Variants in ZNF93 observed in about 807,000 individuals in gnomAD.
ZNF93 encodes zinc finger protein 93, also known as zinc finger protein 505.
ZNF93 carries 29 observed loss-of-function variants against 45.0 expected under a neutral mutation model. That is an observed-to-expected ratio of 0.64 (90% confidence interval 0.48 to 0.88). The LOEUF (loss-of-function observed/expected upper bound fraction) is 0.88. Among genes scored for constraint, ZNF93 ranks in the 40% least tolerant of loss-of-function variants. The pLI is 0.00. For synonymous variants in ZNF93, 223 were observed against 244.6 expected, an observed-to-expected ratio of 0.91 and a Z score of 0.82; for missense variants, 578 against 724.0, an observed-to-expected ratio of 0.80 and a Z score of 2.31.
intron 1 of ZNF93, among the ~76,000 whole-genome samples, chr19:19,913,088 T>G (rs1206873538): frequency 6.6e-6 from 1 of 151,950 alleles, no homozygotes; most frequent in African/African-American, 2.4e-5. Flanking sequence ...CTGTTCCTGC[T>G]TTCTCTAACT....
In ZNF93 at chr19:19,933,880, G is replaced by A. The variant is rs2063383179; in HGVS notation, c.925G>A (p.Gly309Arg). The A allele has an allele frequency of 2.5e-6, 4 of 1,612,848 alleles. No individual in the cohort carries two copies. Among genetic ancestry groups the A allele is most frequent in the Admixed American group, 1.7e-5 (1 of 59,896 alleles). Residue 309 changes from glycine to arginine, a missense_variant, in exon 4 of 4, where the codon GGA (glycine) becomes AGA (arginine). By Grantham distance (125) the Gly-to-Arg change is moderately radical. Coordinates refer to ENST00000343769, the MANE Select transcript of ZNF93 (RefSeq NM_031218.4). ...TLTKHKKIHT[G>R]EKPYVCEECG... is the part of the protein sequence containing the mutation. The stretch of plus-strand genomic sequence containing the variant: ...TACTAAACATAAGAAAATTCATACT[G>A]GAGAGAAGCCCTACGTTTGTGAAGA...
At chr19:19,926,557 C>T (rs1172365759) in intron 3 of ZNF93, among the ~76,000 whole-genome samples, 1 of 150,408 alleles carries the variant, frequency 6.6e-6, no homozygotes, top group Non-Finnish European at 1.5e-5. Flanking sequence ...GATCTTGCCT[C>T]ACTGCAACCT....
rs570462032 is a variant in ZNF93, at chr19:19,901,888, T to C, written c.3+797T>C. Among the ~76,000 whole-genome samples, 27 of 152,196 alleles carry C rather than the reference T, an allele frequency of 1.8e-4. No homozygotes were observed. The East Asian group carries it at 5.2e-3, about 29-fold the overall frequency. On this transcript the variant is annotated intron_variant, in intron 1 of 3. Transcript: ENST00000343769. ...GGGTGGATCACAAGGTCAGGAGTTC[T>C]AGGCCAGCCTGGCCAACATAGTGAA...
chr19:19,925,887 C>T (rs1465086017), intron 3 of ZNF93, among the ~76,000 whole-genome samples: 1 of 151,940 alleles, frequency 6.6e-6, no homozygotes, highest in African/African-American at 2.4e-5. Context: ...GTAAGAATAG[C>T]ATATATTTAA....
chr19:19,924,883 G>GC (rs2063352096), intron 3 of ZNF93, among the ~76,000 whole-genome samples: 4 of 152,180 alleles, frequency 2.6e-5, no homozygotes, highest in Admixed American at 2.6e-4. Flanking sequence ...GAGGCACCCC[G>GC]CCTGGCCCAA....
intron 1 of ZNF93, among the ~76,000 whole-genome samples, chr19:19,913,741 C>T (rs551768435): frequency 8.5e-5 from 13 of 152,140 alleles, no homozygotes; most frequent in African/African-American, 3.1e-4. Context: ...TGTGGTACAC[C>T]TTTAAAGGCA....
intron 1 of ZNF93, chr19:19,908,991 T>C (rs72479538): frequency 0.15 from 22,852 of 152,804 alleles, 2,015 homozygotes; most frequent in East Asian, 0.41. Flanking sequence ...TTTGAAGATA[T>C]GTCTATCTGG....
intron 3 of ZNF93, among the ~76,000 whole-genome samples, chr19:19,920,812 GCA>G (rs1209982772): frequency 6.6e-5 from 10 of 152,040 alleles, no homozygotes; most frequent in African/African-American, 2.4e-4. Context: ...ATTTTTTATT[GCA>G]TCTATTTGAT....
intron 2 of ZNF93, among the ~76,000 whole-genome samples, chr19:19,915,702 CGTT>C (rs948100707): frequency 2.6e-5 from 4 of 151,938 alleles, no homozygotes; most frequent in African/African-American, 9.7e-5. Context: ...ATTAGCCAGG[CGTT>C]GTGGCATGCG....
chr19:19,909,818 G>T (rs1234466844), intron 1 of ZNF93, among the ~76,000 whole-genome samples: 1 of 152,216 alleles, frequency 6.6e-6, no homozygotes, highest in Non-Finnish European at 1.5e-5. Context: ...CAGACTTTGA[G>T]TCAGCCCATA....
intron 1 of ZNF93, among the ~76,000 whole-genome samples, chr19:19,904,605 T>G (rs908141335): frequency 2.6e-5 from 4 of 152,248 alleles, no homozygotes; most frequent in African/African-American, 9.6e-5. Flanking sequence ...TGTTAGACAA[T>G]GAGTTGGTGT....
At chr19:19,929,924 C>T (rs1338596163) in intron 3 of ZNF93, among the ~76,000 whole-genome samples, 33 of 101,692 alleles carry the variant, frequency 3.2e-4, no homozygotes, top group Admixed American at 1.3e-3. Flanking sequence ...GGCAACAGAG[C>T]GAGACTCCGT....
rs781203307 is a variant in ZNF93, at chr19:19,934,320, T to A, written c.1365T>A (p.Cys455Ter). 20 of 1,613,442 alleles carry A rather than the reference T, an allele frequency of 1.2e-5. No individual in the cohort carries two copies. The highest frequency in any genetic ancestry group is 1.6e-4 in the Middle Eastern group (1 of 6,082). Residue 455 changes from cysteine (C) to a stop codon, truncating the protein, a stop_gained, in exon 4 of 4, where the codon TGT (cysteine) becomes TGA (stop). Transcript: ENST00000343769. LOFTEE classifies it high-confidence loss of function. ...IIHTGKKPYKCEECGKAFNQS... is the reference protein window; with the variant it reads ...IIHTGKKPYK ...ATACTGGAAAGAAACCCTACAAGTGTGAAGAATGTGGCAAAGCTTTTAACC... is the reference window on the plus strand; with the variant it reads ...ATACTGGAAAGAAACCCTACAAGTGAGAAGAATGTGGCAAAGCTTTTAACC...
intron 3 of ZNF93, among the ~76,000 whole-genome samples, chr19:19,917,223 T>G (rs1004463599): frequency 6.6e-6 from 1 of 152,174 alleles, no homozygotes; most frequent in African/African-American, 2.4e-5. Context: ...TTCATGTAAA[T>G]TTTAGAATTG....
intron 1 of ZNF93, among the ~76,000 whole-genome samples, chr19:19,911,181 G>T (rs1428398182): frequency 1.3e-5 from 2 of 152,160 alleles, no homozygotes; most frequent in East Asian, 3.9e-4. Context: ...CCAGGTTCTG[G>T]AGCTCCACCA....
At chr19:19,928,453 T>G (rs1056732575) in intron 3 of ZNF93, among the ~76,000 whole-genome samples, 8 of 152,232 alleles carry the variant, frequency 5.3e-5, no homozygotes, top group African/African-American at 1.9e-4. Flanking sequence ...CAGTTTGACT[T>G]TTGCTTTTTA....
Position 19,916,672 on chromosome 19 carries a change from A to G in ZNF93, c.226+17A>G, listed in dbSNP as rs778323000. The G allele has an allele frequency of 6.3e-7, 1 of 1,584,452 alleles. No homozygotes were observed. Among genetic ancestry groups the G allele is most frequent in the East Asian group, 2.3e-5 (1 of 44,290 alleles). ...ACCCCTCAGGTAGGTGTGAGTGAAA[A>G]TGAATACAACAGACAACACAGTAAG... On this transcript the variant is annotated intron_variant, in intron 3 of 3. Coordinates refer to ENST00000343769, the MANE Select transcript of ZNF93 (RefSeq NM_031218.4).
intron 3 of ZNF93, among the ~76,000 whole-genome samples, chr19:19,918,644 C>T (rs968510423): frequency 2.0e-5 from 3 of 152,204 alleles, no homozygotes; most frequent in African/African-American, 4.8e-5. Flanking sequence ...GATCGCCATT[C>T]TAACTGGAGT....
intron 1 of ZNF93, among the ~76,000 whole-genome samples, chr19:19,903,605 A>G (rs2063283321): frequency 6.6e-6 from 1 of 150,528 alleles, no homozygotes; most frequent in Admixed American, 6.6e-5. Context: ...ATCGTTACTA[A>G]AAATACAAAA....
Sources: gnomAD v4.1 joint callset for allele counts (sites outside exome capture counted in the v4.1 genomes callset) on GRCh38, gnomAD v4.1.1 for gene constraint, MANE v1.5 for transcripts, NCBI Gene and HGNC (gene_info 2026-07-23, HGNC 2026-07-21) for gene names.